PTPRD: variants seen among roughly 807,000 people sequenced by gnomAD.
PTPRD encodes the protein protein tyrosine phosphatase receptor type D, also known as receptor-type tyrosine-protein phosphatase delta.
PTPRD carries 34 observed loss-of-function variants against 214.5 expected under a neutral mutation model. That is an observed-to-expected ratio of 0.16 (90% CI 0.12 to 0.21). PTPRD has a LOEUF of 0.21. Among genes scored for constraint, PTPRD ranks in the 10% least tolerant of loss-of-function variants. The pLI is 1.00. For missense variants in PTPRD, 2,545 were observed against 2,398.7 expected, an observed-to-expected ratio of 1.06 and a Z score of -1.27; for synonymous variants, 1,128 against 845.7, an observed-to-expected ratio of 1.33 and a Z score of -5.79.
At chr9:8,832,221 T>C (rs940680507) in intron 11 of PTPRD, among the ~76,000 whole-genome samples, 3 of 151,956 alleles carry the variant, frequency 2.0e-5, no homozygotes, top group Non-Finnish European at 4.4e-5. Context: ...TGCCAAATGG[T>C]GTGCATTGAT....
At chr9:10,301,006 T>C (rs1180529045) in intron 3 of PTPRD, among the ~76,000 whole-genome samples, 2 of 151,990 alleles carry the variant, frequency 1.3e-5, no homozygotes, top group Admixed American at 6.6e-5. Context: ...AGACACCTCA[T>C]ACAGGAAAGC....
intron 39 of PTPRD, among the ~76,000 whole-genome samples, chr9:8,352,967 T>C (rs1049407177): frequency 2.6e-5 from 4 of 151,892 alleles, no homozygotes; most frequent in Non-Finnish European, 5.9e-5. Flanking sequence ...AAAAATTAGC[T>C]GGGCGTGGTG....
chr9:8,452,902 C>T (rs1326989804), intron 33 of PTPRD, among the ~76,000 whole-genome samples: 1 of 152,164 alleles, frequency 6.6e-6, no homozygotes, highest in Admixed American at 6.5e-5. Flanking sequence ...GATATACAGA[C>T]ATGTGAGAAG....
intron 5 of PTPRD, among the ~76,000 whole-genome samples, chr9:9,798,343 C>A (rs1414704397): frequency 1.3e-5 from 2 of 151,982 alleles, no homozygotes; most frequent in African/African-American, 2.4e-5. Flanking sequence ...AATAGAGAAA[C>A]CTGTGTATTT....
chr9:8,769,279 T>C (rs536184428), intron 11 of PTPRD, among the ~76,000 whole-genome samples: 1 of 152,352 alleles, frequency 6.6e-6, no homozygotes, highest in Admixed American at 6.5e-5. Context: ...ACTATTTATA[T>C]ATCTTTGTTT....
intron 11 of PTPRD, among the ~76,000 whole-genome samples, chr9:8,929,961 A>G (rs1445329732): frequency 2.7e-5 from 4 of 150,090 alleles, no homozygotes; most frequent in African/African-American, 9.8e-5. Context: ...GTGTATATAT[A>G]TATATAACTA....
intron 3 of PTPRD, among the ~76,000 whole-genome samples, chr9:10,292,234 C>T (rs74525354): frequency 0.022 from 3,370 of 152,112 alleles, 138 homozygotes; most frequent in African/African-American, 0.077. Context: ...TCTCACACTT[C>T]ACCTATAATC....
chr9:9,214,254 G>C (rs931154211), intron 9 of PTPRD, among the ~76,000 whole-genome samples: 1 of 152,178 alleles, frequency 6.6e-6, no homozygotes, highest in African/African-American at 2.4e-5. Flanking sequence ...ATGCCCTCCA[G>C]CTAGTGTGTT....
intron 8 of PTPRD, among the ~76,000 whole-genome samples, chr9:9,505,452 T>C (rs1668733437): frequency 6.6e-6 from 1 of 151,588 alleles, no homozygotes; most frequent in African/African-American, 2.4e-5. Context: ...GAAAGACTTT[T>C]AGCCTGACTG....
intron 12 of PTPRD, among the ~76,000 whole-genome samples, chr9:8,678,571 C>G (rs2097485134): frequency 2.0e-5 from 3 of 152,104 alleles, no homozygotes; most frequent in Non-Finnish European, 1.5e-5. Context: ...ATCAATACTT[C>G]TCAATAATAA....
At chr9:8,631,691 T>C (rs1245243711) in intron 14 of PTPRD, among the ~76,000 whole-genome samples, 1 of 151,874 alleles carries the variant, frequency 6.6e-6, no homozygotes, top group East Asian at 1.9e-4. Flanking sequence ...TATATACGTA[T>C]GTATCTTGCT....
intron 3 of PTPRD, among the ~76,000 whole-genome samples, chr9:10,219,387 C>G (rs1472681925): frequency 6.6e-6 from 1 of 151,820 alleles, no homozygotes; most frequent in Non-Finnish European, 1.5e-5. Flanking sequence ...ATGAGTCTGT[C>G]AAGATTCTTT....
At chr9:8,847,319 A>G (rs750270914) in intron 11 of PTPRD, among the ~76,000 whole-genome samples, 2 of 152,176 alleles carry the variant, frequency 1.3e-5, no homozygotes, top group Admixed American at 6.5e-5. Flanking sequence ...TTCTTAATTT[A>G]TAAGTATTAT....
At chr9:9,101,025 A>C (rs555154051) in intron 10 of PTPRD, among the ~76,000 whole-genome samples, 1 of 152,236 alleles carries the variant, frequency 6.6e-6, no homozygotes, top group East Asian at 1.9e-4. Context: ...GGAAAGAATA[A>C]AGAAGATAAA....
intron 4 of PTPRD, among the ~76,000 whole-genome samples, chr9:9,954,299 A>AAG (rs2093709501): frequency 7.9e-6 from 1 of 126,188 alleles, no homozygotes; most frequent in African/African-American, 3.5e-5. Flanking sequence ...TCTCAAAACA[A>AAG]AAAAAAAAAA....
At chr9:9,386,257 T>C (rs2063833410) in intron 9 of PTPRD, among the ~76,000 whole-genome samples, 1 of 152,170 alleles carries the variant, frequency 6.6e-6, no homozygotes, top group Non-Finnish European at 1.5e-5. Flanking sequence ...GGCATGAGTC[T>C]ACAGACTCAT....
chr9:9,296,771 G>T lies in PTPRD; in HGVS notation c.-203+100678C>A, dbSNP rs145884555. Among the ~76,000 whole-genome samples, 732 of 151,764 alleles carry T rather than the reference G, an allele frequency of 4.8e-3. 4 individuals carry two copies. Among genetic ancestry groups the T allele is most frequent in the African/African-American group, 0.017 (698 of 41,442 alleles). On this transcript the variant is annotated intron_variant, in intron 9 of 45. Coordinates refer to ENST00000381196, the MANE Select transcript of PTPRD (RefSeq NM_002839.4). Reference sequence around the variant, plus strand: ...TTTGTGTTATCCTACTGTTCCCTAAGGGACTTACGTAGATGAATCAAGGCA... The same window carrying T: ...TTTGTGTTATCCTACTGTTCCCTAATGGACTTACGTAGATGAATCAAGGCA...
At chr9:8,807,478 C>T (rs2096710387) in intron 11 of PTPRD, among the ~76,000 whole-genome samples, 1 of 152,134 alleles carries the variant, frequency 6.6e-6, no homozygotes, top group African/African-American at 2.4e-5. Context: ...ACTATAATCA[C>T]TATAATCAAA....
At chr9:9,166,542 C>A (rs2099904410) in intron 10 of PTPRD, among the ~76,000 whole-genome samples, 1 of 152,158 alleles carries the variant, frequency 6.6e-6, no homozygotes, top group Non-Finnish European at 1.5e-5. Context: ...GCTTATGAAT[C>A]CATCATCCCT....
Sources: gnomAD v4.1 joint callset for allele counts (sites outside exome capture counted in the v4.1 genomes callset) on GRCh38, gnomAD v4.1.1 for gene constraint, MANE v1.5 for transcripts, NCBI Gene and HGNC (gene_info 2026-07-23, HGNC 2026-07-21) for gene names.